The following GRIK4 variants were observed in gnomAD, a reference collection of about 807,000 sequenced individuals.
GRIK4 encodes the protein glutamate receptor ionotropic, kainate 4.
In GRIK4, 40 loss-of-function variants were observed where a neutral mutation model predicts 104.9. That is an observed-to-expected ratio of 0.38 (90% CI 0.30 to 0.50). The LOEUF (loss-of-function observed/expected upper bound fraction) is 0.50. Ranked by LOEUF, GRIK4 falls within the 20% of genes least tolerant of loss-of-function variation. The pLI, the probability that GRIK4 is intolerant of heterozygous loss-of-function variation, is 0.93. For missense variants in GRIK4, 1,047 were observed against 1,308.1 expected, an observed-to-expected ratio of 0.80 and a Z score of 3.08; for synonymous variants, 485 against 524.9, an observed-to-expected ratio of 0.92 and a Z score of 1.04.
intron 1 of GRIK4, among the ~76,000 whole-genome samples, chr11:120,614,728 G>A (rs1161140303): frequency 7.9e-5 from 12 of 152,158 alleles, no homozygotes; most frequent in South Asian, 2.1e-4. Context: ...GGCTGGGCGC[G>A]GTGGCTCACG....
At chr11:120,795,019 G>C (rs1952482735) in intron 3 of GRIK4, among the ~76,000 whole-genome samples, 1 of 152,088 alleles carries the variant, frequency 6.6e-6, no homozygotes, top group Admixed American at 6.5e-5. Context: ...TGAGCAGCCA[G>C]GGTCAGCTGG....
intron 7 of GRIK4, among the ~76,000 whole-genome samples, chr11:120,834,456 G>A (rs1953519982): frequency 6.6e-6 from 1 of 152,208 alleles, no homozygotes; most frequent in Non-Finnish European, 1.5e-5. Flanking sequence ...CAAGGCTTCA[G>A]GAAAGCCTGT....
rs1943702914 is a variant in GRIK4, at chr11:120,940,692, G to A, written c.1590+232G>A. Reference sequence around the variant, plus strand: ...AATTACTTCTGCCTCTCTGAATAGCGATGACCAAGAATGGTCATTCAATAC... The same window carrying A: ...AATTACTTCTGCCTCTCTGAATAGCAATGACCAAGAATGGTCATTCAATAC... On this transcript the variant is annotated intron_variant, in intron 14 of 20. Coordinates refer to ENST00000527524, the MANE Select transcript of GRIK4 (RefSeq NM_014619.5). The surrounding 1 kb of genome is among the most constrained non-coding windows in gnomAD (Gnocchi z 4.3). Among the ~76,000 whole-genome samples the A allele has an allele frequency of 6.6e-6, 1 of 152,162 alleles. No homozygotes were observed. The highest frequency in any genetic ancestry group is 1.5e-5 in the Non-Finnish European group (1 of 68,030).
intron 3 of GRIK4, among the ~76,000 whole-genome samples, chr11:120,749,154 T>C (rs1481999080): frequency 6.6e-6 from 1 of 151,122 alleles, no homozygotes; most frequent in East Asian, 1.9e-4. Flanking sequence ...CCTATAGTAC[T>C]TTTTTTTTGC....
At chr11:120,792,589 A>C (rs535475937) in intron 3 of GRIK4, among the ~76,000 whole-genome samples, 1 of 152,204 alleles carries the variant, frequency 6.6e-6, no homozygotes, top group East Asian at 1.9e-4. Context: ...TTAAGACTGG[A>C]AAGAAGTGGA....
At chr11:120,752,300 G>A (rs1287785916) in intron 3 of GRIK4, among the ~76,000 whole-genome samples, 3 of 152,214 alleles carry the variant, frequency 2.0e-5, no homozygotes, top group African/African-American at 4.8e-5. Context: ...AACTCTACTT[G>A]CAGAGTTTTG....
intron 11 of GRIK4, among the ~76,000 whole-genome samples, chr11:120,887,622 C>T (rs1375923230): frequency 6.6e-6 from 1 of 152,186 alleles, no homozygotes; most frequent in Non-Finnish European, 1.5e-5. Context: ...GCCCTGGAAG[C>T]TGGGGCCACA....
intron 8 of GRIK4, among the ~76,000 whole-genome samples, chr11:120,860,402 C>A (rs1954230344): frequency 6.6e-6 from 1 of 152,194 alleles, no homozygotes; most frequent in Non-Finnish European, 1.5e-5. Context: ...ATAACACTAA[C>A]TGGCCTCGGT....
chr11:120,740,039 C>A (rs961306848), intron 3 of GRIK4, among the ~76,000 whole-genome samples: 1 of 152,228 alleles, frequency 6.6e-6, no homozygotes, highest in African/African-American at 2.4e-5. Flanking sequence ...ACACAGATGG[C>A]TGGTTTGCAT....
At chr11:120,832,847 G>C (rs901061253) in intron 7 of GRIK4, among the ~76,000 whole-genome samples, 1 of 152,222 alleles carries the variant, frequency 6.6e-6, no homozygotes, top group African/African-American at 2.4e-5. Flanking sequence ...GTCACCTGAC[G>C]TCAGTTCCTG....
At position 120,874,255 on chromosome 11, in the gene GRIK4, G is replaced by A. The variant is rs532572150; in HGVS notation, c.1059+37G>A. On this transcript the variant is annotated intron_variant, in intron 10 of 20. Coordinates refer to ENST00000527524, the MANE Select transcript of GRIK4 (RefSeq NM_014619.5). ...CTGAGGCCCTGCAGGGCTGTGCCCA[G>A]GCTAGTGGGGTGGGACACTTGGTTC... is the stretch of plus-strand genomic sequence containing the variant. The A allele has an allele frequency of 3.2e-6, 5 of 1,562,400 alleles. No individual in the cohort carries two copies. In the Admixed American group the frequency reaches 5.2e-5, roughly 16 times the overall value.
At chr11:120,836,437 T>C (rs1403311636) in intron 7 of GRIK4, among the ~76,000 whole-genome samples, 1 of 152,174 alleles carries the variant, frequency 6.6e-6, no homozygotes, top group Non-Finnish European at 1.5e-5. Flanking sequence ...GTGGAGATCA[T>C]TATTGTAGTC....
intron 1 of GRIK4, among the ~76,000 whole-genome samples, chr11:120,631,479 C>T (rs1282315285): frequency 6.6e-6 from 1 of 152,138 alleles, no homozygotes; most frequent in Non-Finnish European, 1.5e-5. Flanking sequence ...GGCCAGGCCT[C>T]CGAGTCGATG....
At chr11:120,618,304 A>G (rs1949141101) in intron 1 of GRIK4, among the ~76,000 whole-genome samples, 13 of 152,168 alleles carry the variant, frequency 8.5e-5, no homozygotes, top group Admixed American at 8.5e-4. Context: ...TAAAGATGTT[A>G]CCTGACTGCT....
At chr11:120,873,081 A>AT (rs1165980576) in intron 9 of GRIK4, 2 of 152,350 alleles carry the variant, frequency 1.3e-5, no homozygotes, top group South Asian at 2.1e-4. Context: ...AGAAGCTTGC[A>AT]TTTTAATAGG....
intron 12 of GRIK4, among the ~76,000 whole-genome samples, chr11:120,899,495 A>G (rs1464616759): frequency 6.6e-6 from 1 of 151,656 alleles, no homozygotes; most frequent in East Asian, 1.9e-4. Flanking sequence ...CTATTCAGTA[A>G]TTGCCAAGTT....
At chr11:120,853,969 G>A (rs1247333028) in intron 8 of GRIK4, among the ~76,000 whole-genome samples, 2 of 152,120 alleles carry the variant, frequency 1.3e-5, no homozygotes, top group Admixed American at 1.3e-4. Flanking sequence ...GTCTGTCTTA[G>A]GGGCAAGACA....
rs182330185 is a variant in GRIK4 at position 120,758,886 on chromosome 11, C to T, written c.83-43807C>T. The stretch of plus-strand genomic sequence containing the variant: ...TGTTCCTTGTGCAGTTTAGTCAGCA[C>T]CTAATTGCCAGGCACTGTGCTAGGC... On this transcript the variant is annotated intron_variant, in intron 3 of 20. Coordinates refer to ENST00000527524, the MANE Select transcript of GRIK4 (RefSeq NM_014619.5). Among the ~76,000 whole-genome samples the T allele has an allele frequency of 4.6e-5, 7 of 152,252 alleles. No homozygotes were observed. The East Asian group carries it at 1.3e-3, about 29-fold the overall frequency.
intron 3 of GRIK4, among the ~76,000 whole-genome samples, chr11:120,667,378 G>A (rs1949932499): frequency 6.6e-6 from 1 of 152,362 alleles, no homozygotes; most frequent in Non-Finnish European, 1.5e-5. Flanking sequence ...CCTCCCTGTG[G>A]CCACTGATGG....
Sources: allele counts gnomAD v4.1 joint callset (sites outside exome capture counted in the v4.1 genomes callset), GRCh38; gene constraint gnomAD v4.1.1; non-coding constraint Gnocchi (gnomAD v3.1); transcripts MANE v1.5; gene names NCBI Gene and HGNC (gene_info 2026-07-23, HGNC 2026-07-21).